Variants in STX8 observed in about 807,000 individuals in gnomAD.
STX8 encodes the protein syntaxin 8, also known as syntaxin-8.
In STX8, 23 loss-of-function variants were observed where a neutral mutation model predicts 37.5. The ratio of observed to expected loss-of-function variants is 0.61; its 90% CI spans 0.44 to 0.87. The LOEUF is 0.87. Among genes scored for constraint, STX8 ranks in the 40% least tolerant of loss-of-function variants. The pLI is 0.00. For missense variants in STX8, 313 were observed against 284.7 expected (o/e 1.10, Z -0.71); for synonymous variants, 115 against 99.1 (o/e 1.16, Z -0.95).
At chr17:9,349,077 T>C (rs7209413) in intron 7 of STX8, among the ~76,000 whole-genome samples, 6,532 of 152,068 alleles carry the variant, frequency 0.043, 439 homozygotes, top group African/African-American at 0.15. Context: ...CTGCAACCTC[T>C]GCCTTCCGGG....
chr17:9,481,671 C>A (rs1211580550), intron 6 of STX8, among the ~76,000 whole-genome samples: 1 of 152,196 alleles, frequency 6.6e-6, no homozygotes, highest in Non-Finnish European at 1.5e-5. Context: ...CCACCCCAAG[C>A]CGCAGACCAA....
intron 7 of STX8, among the ~76,000 whole-genome samples, chr17:9,362,998 G>T (rs987996464): frequency 6.6e-6 from 1 of 152,102 alleles, no homozygotes; most frequent in Admixed American, 6.6e-5. Flanking sequence ...AACTTGATGC[G>T]GCCACCCTGT....
chr17:9,299,545 A>G (rs1376829693), intron 7 of STX8, among the ~76,000 whole-genome samples: 2 of 146,694 alleles, frequency 1.4e-5, no homozygotes, highest in South Asian at 2.1e-4. Context: ...CCAGGTTCAC[A>G]CCATTCTCCT....
intron 4 of STX8, among the ~76,000 whole-genome samples, chr17:9,535,139 C>A (rs1415233160): frequency 6.6e-6 from 1 of 151,976 alleles, no homozygotes; most frequent in Non-Finnish European, 1.5e-5. Flanking sequence ...CACAGAAGTA[C>A]CAGAAAAAAG....
chr17:9,260,973 G>C (rs1253685391), intron 7 of STX8, among the ~76,000 whole-genome samples: 1 of 152,262 alleles, frequency 6.6e-6, no homozygotes, highest in Non-Finnish European at 1.5e-5. Context: ...GGGCCAGAGG[G>C]AGCAAGAGAA....
chr17:9,400,228 G>A lies in STX8; in HGVS notation c.542-21575C>T, dbSNP rs1171076436. Among the ~76,000 whole-genome samples, 4 of 150,924 alleles carry A rather than the reference G, an allele frequency of 2.7e-5. No homozygotes were observed. In the South Asian group the frequency reaches 6.3e-4, roughly 24 times the overall value. On this transcript the variant is annotated intron_variant, in intron 6 of 7. Transcript: ENST00000306357. ...TGCCATTCTCCTGCCTCAGCCTGCC[G>A]AGTAGCTGAGACTACAGGCGCCCGC...
At chr17:9,381,507 T>G (rs570886156) in intron 6 of STX8, among the ~76,000 whole-genome samples, 1 of 152,352 alleles carries the variant, frequency 6.6e-6, no homozygotes, top group Admixed American at 6.5e-5. Context: ...TCTTGCCTCC[T>G]GCAGCACTTC....
intron 6 of STX8, among the ~76,000 whole-genome samples, chr17:9,476,839 A>C (rs1906127437): frequency 1.3e-5 from 2 of 151,588 alleles, no homozygotes; most frequent in African/African-American, 4.9e-5. Context: ...TCTGTGTCCC[A>C]CGTGCCTCTT....
chr17:9,370,914 A>G lies in STX8; in HGVS notation c.643+7638T>C, dbSNP rs114172175. 6.7e-3 allele frequency among the ~76,000 whole-genome samples: 969 copies of G among 143,698 alleles called. 9 individuals are homozygous for G. Among genetic ancestry groups the G allele is most frequent in the African/African-American group, 0.023 (927 of 39,914 alleles). The allele number at this position is 143,698 out of a possible 152,430, so 94.3% of individuals were successfully genotyped here. ...AAAAATATCAGTCTAATTTGCATTTAGAAGCTAGAAAAAAAAAAAAACAGT... is the reference window on the plus strand; with the variant it reads ...AAAAATATCAGTCTAATTTGCATTTGGAAGCTAGAAAAAAAAAAAAACAGT... On this transcript the variant is annotated intron_variant, in intron 7 of 7. Coordinates refer to ENST00000306357, the MANE Select transcript of STX8 (RefSeq NM_004853.3).
intron 7 of STX8, among the ~76,000 whole-genome samples, chr17:9,357,313 A>G (rs1356612416): frequency 6.6e-6 from 1 of 152,030 alleles, no homozygotes; most frequent in Non-Finnish European, 1.5e-5. Context: ...GTCTCCTCTG[A>G]GTGAAATACC....
At chr17:9,570,020 G>A (rs1362873861) in intron 1 of STX8, 1 of 152,098 alleles carries the variant, frequency 6.6e-6, no homozygotes, top group Non-Finnish European at 1.5e-5. Flanking sequence ...CAGACAGTCT[G>A]CTCCTAAAAA....
chr17:9,381,010 C>T (rs577358490), intron 6 of STX8, among the ~76,000 whole-genome samples: 11 of 151,970 alleles, frequency 7.2e-5, no homozygotes, highest in Admixed American at 4.6e-4. Context: ...CCACTGCACC[C>T]GACCATATTT....
At chr17:9,557,379 T>TA in intron 3 of STX8, 55 bp downstream of exon 3, 1 of 1,496,990 alleles carries the variant, frequency 6.7e-7, no homozygotes, top group Non-Finnish European at 9.3e-7. Flanking sequence ...TTTCTTAAAA[T>TA]ACGACTGCTT....
intron 7 of STX8, among the ~76,000 whole-genome samples, chr17:9,375,592 G>A (rs532074504): frequency 1.1e-4 from 17 of 152,176 alleles, no homozygotes; most frequent in Admixed American, 1.0e-3. Flanking sequence ...ATATAGTAAC[G>A]AGAGCTAATA....
chr17:9,454,674 T>A (rs1181971855), intron 6 of STX8, among the ~76,000 whole-genome samples: 1 of 48,662 alleles, frequency 2.1e-5, no homozygotes, highest in Non-Finnish European at 4.6e-5. Context: ...AGCGAGACTG[T>A]CTCAAAAAAA....
At chr17:9,532,467 C>T (rs888515347) in intron 4 of STX8, among the ~76,000 whole-genome samples, 1 of 151,768 alleles carries the variant, frequency 6.6e-6, no homozygotes, top group Admixed American at 6.6e-5. Context: ...TCCTTGGATA[C>T]GTGTAGAATC....
intron 7 of STX8, among the ~76,000 whole-genome samples, chr17:9,252,215 C>A (rs1281710623): frequency 2.0e-5 from 3 of 151,584 alleles, no homozygotes; most frequent in South Asian, 2.1e-4. Flanking sequence ...GAGGCCGAGG[C>A]GGGCGGACCA....
chr17:9,307,634 A>G (rs1429537129), intron 7 of STX8, among the ~76,000 whole-genome samples: 7 of 152,116 alleles, frequency 4.6e-5, no homozygotes, highest in African/African-American at 1.7e-4. Flanking sequence ...TGGAATTAAC[A>G]GTTTCCCACT....
At chr17:9,505,603 A>G (rs1904793117) in intron 4 of STX8, among the ~76,000 whole-genome samples, 1 of 152,128 alleles carries the variant, frequency 6.6e-6, no homozygotes, top group African/African-American at 2.4e-5. Context: ...TACAGATTAC[A>G]ATGTTGTTGT....
Sources: gnomAD v4.1 joint callset for allele counts (sites outside exome capture counted in the v4.1 genomes callset) on GRCh38, gnomAD v4.1.1 for gene constraint, MANE v1.5 for transcripts, NCBI Gene and HGNC (gene_info 2026-07-23, HGNC 2026-07-21) for gene names.